TMEM140: variants seen among roughly 807,000 people sequenced by gnomAD.
TMEM140 encodes transmembrane protein 140.
For synonymous variants in TMEM140, 107 were observed against 106.8 expected (o/e 1.00, Z -0.01); for missense variants, 236 against 228.5 (o/e 1.03, Z -0.21).
chr7:135,158,467 T>C (rs1366231761), intron 1 of TMEM140, among the ~76,000 whole-genome samples: 2 of 152,046 alleles, frequency 1.3e-5, no homozygotes, highest in African/African-American at 4.8e-5. Flanking sequence ...CAACAAGCTG[T>C]GGAACACACA....
In TMEM140 at chr7:135,165,116, A is replaced by C; in HGVS notation, c.*117A>C. 1 of 1,327,042 alleles carries C rather than the reference A, an allele frequency of 7.5e-7. No individual in the cohort carries two copies. The highest frequency in any genetic ancestry group is 1.6e-5 in the South Asian group (1 of 63,640). 82.2% of individuals were successfully genotyped at this position (1,327,042 alleles called of 1,614,324 possible). ...CAGCTCCAGCGATGGAACCCACTAC[A>C]GAGGAGGTGGGGCCCCTGTGTCAAA... On this transcript the variant is annotated 3_prime_UTR_variant, in exon 2 of 2. Coordinates refer to ENST00000275767, the MANE Select transcript of TMEM140 (RefSeq NM_018295.5).
chr7:135,158,536 A>G (rs1284483480), intron 1 of TMEM140, among the ~76,000 whole-genome samples: 2 of 152,158 alleles, frequency 1.3e-5, no homozygotes, highest in African/African-American at 2.4e-5. Context: ...CTTGTCCTAG[A>G]TATGTGTAGG....
chr7:135,162,798 C>T (rs1021780498), intron 1 of TMEM140, among the ~76,000 whole-genome samples: 4 of 152,208 alleles, frequency 2.6e-5, no homozygotes, highest in Non-Finnish European at 5.9e-5. Flanking sequence ...CTGGAAAATA[C>T]ACATATGTAA....
intron 1 of TMEM140, among the ~76,000 whole-genome samples, chr7:135,164,128 G>A (rs1332602550): frequency 1.3e-5 from 2 of 152,266 alleles, no homozygotes; most frequent in Non-Finnish European, 2.9e-5. Context: ...TTGGACTGGA[G>A]CAAAGCCTTT....
chr7:135,153,414 A>G lies in TMEM140; in HGVS notation c.-25+5144A>G, dbSNP rs1050569943. On this transcript the variant is annotated intron_variant, in intron 1 of 1. Coordinates refer to ENST00000275767, the MANE Select transcript of TMEM140 (RefSeq NM_018295.5). Reference sequence around the variant, plus strand: ...GGTTGCAGTGAGCTGAGATCATGCCACTGCACTCCAGCCTGGGCAACACAG... The same window carrying G: ...GGTTGCAGTGAGCTGAGATCATGCCGCTGCACTCCAGCCTGGGCAACACAG... 2.1e-5 allele frequency among the ~76,000 whole-genome samples: 3 copies of G among 141,298 alleles called. No individual in the cohort carries two copies. In the Admixed American group the frequency reaches 2.4e-4, roughly 11 times the overall value. The allele number at this position is 141,298 out of a possible 152,430, so 92.7% of individuals were successfully genotyped here.
At position 135,149,578 on chromosome 7, in the gene TMEM140, G is replaced by A. The variant is rs150918629; in HGVS notation, c.-25+1308G>A. ...GCCAAAGAGATATGACTATTTTTAG[G>A]GTTTTTAATGTTTATTGCCAATCTG... On this transcript the variant is annotated intron_variant, in intron 1 of 1. Transcript: ENST00000275767. Among the ~76,000 whole-genome samples, 4 of 152,114 alleles carry A rather than the reference G, an allele frequency of 2.6e-5. No individual in the cohort carries two copies. In the East Asian group the frequency reaches 5.8e-4, roughly 22 times the overall value.
At chr7:135,163,423 T>C (rs1209913479) in intron 1 of TMEM140, among the ~76,000 whole-genome samples, 1 of 151,810 alleles carries the variant, frequency 6.6e-6, no homozygotes, top group Non-Finnish European at 1.5e-5. Flanking sequence ...GGGTGGATCA[T>C]TTGAGGTCAG....
rs749445182 is a variant in TMEM140, at chr7:135,161,740, C to T, written c.-24-2678C>T. ...AGAATCTCTCAACTACATTCAAACCCGAGTCTTCAGACCCTTGGCCCTCTG... is the reference window on the plus strand; with the variant it reads ...AGAATCTCTCAACTACATTCAAACCTGAGTCTTCAGACCCTTGGCCCTCTG... On this transcript the variant is annotated intron_variant, in intron 1 of 1. Coordinates refer to ENST00000275767, the MANE Select transcript of TMEM140 (RefSeq NM_018295.5). The surrounding 1 kb of genome is among the most constrained non-coding windows in gnomAD (Gnocchi z 4.1). Among the ~76,000 whole-genome samples, 4 of 152,192 alleles carry T rather than the reference C, an allele frequency of 2.6e-5. No homozygotes were observed. The highest frequency in any genetic ancestry group is 9.6e-5 in the African/African-American group (4 of 41,462).
rs1042963771 is a variant in TMEM140 at position 135,148,187 on chromosome 7, C to T, written c.-108C>T. The T allele has an allele frequency of 1.6e-5, 7 of 431,738 alleles. No individual in the cohort carries two copies. Among genetic ancestry groups the T allele is most frequent in the Admixed American group, 9.0e-5 (3 of 33,422 alleles). 26.7% of individuals were successfully genotyped at this position (431,738 alleles called of 1,614,324 possible). A position where few individuals can be genotyped will look rare whatever the true frequency, so the allele number is the denominator to read the frequency against. ...CTGGAGTCTGACATTAGAAAGCCAG[C>T]GAGAAGGAAGATTCAAACAACCAAC... is the stretch of plus-strand genomic sequence containing the variant. On this transcript the variant is annotated 5_prime_UTR_variant, in exon 1 of 2. Transcript: ENST00000275767.
Position 135,164,741 on chromosome 7 carries a change from TCTC to T in TMEM140, c.306_308del (p.Leu103del). 1 of 1,614,170 alleles carries T rather than the reference TCTC, an allele frequency of 6.2e-7. No individual in the cohort carries two copies. The highest frequency in any genetic ancestry group is 1.1e-5 in the South Asian group (1 of 91,090). ...TCCTCACCCTCTTTGCCCCCCAGCC[TCTC>T]CTCCTAGCCCAGTGCAACAGTGATG... On this transcript the variant is annotated inframe_deletion, in exon 2 of 2. Transcript: ENST00000275767.
Position 135,165,101 on chromosome 7 carries a change from G to C in TMEM140, c.*102G>C. On this transcript the variant is annotated 3_prime_UTR_variant, in exon 2 of 2. Coordinates refer to ENST00000275767, the MANE Select transcript of TMEM140 (RefSeq NM_018295.5). ...GCTAACGCTGATCTCCAGCTCCAGC[G>C]ATGGAACCCACTACAGAGGAGGTGG... 1 of 1,399,308 alleles carries C rather than the reference G, an allele frequency of 7.1e-7. No homozygotes were observed. The highest frequency in any genetic ancestry group is 1.5e-5 in the South Asian group (1 of 68,168). 86.7% of individuals were successfully genotyped at this position (1,399,308 alleles called of 1,614,324 possible).
chr7:135,162,618 G>A (rs760613608), intron 1 of TMEM140, among the ~76,000 whole-genome samples: 11 of 152,102 alleles, frequency 7.2e-5, no homozygotes, highest in Non-Finnish European at 1.0e-4. Flanking sequence ...AAAACCATCA[G>A]ATATCATGAG....
At chr7:135,159,780 G>A (rs1031019062) in intron 1 of TMEM140, among the ~76,000 whole-genome samples, 7 of 152,162 alleles carry the variant, frequency 4.6e-5, no homozygotes, top group African/African-American at 1.7e-4. Context: ...AAGAAATACA[G>A]ATGGTCAACA....
chr7:135,158,005 C>T (rs1022485914), intron 1 of TMEM140, among the ~76,000 whole-genome samples: 1 of 151,796 alleles, frequency 6.6e-6, no homozygotes, highest in African/African-American at 2.4e-5. Context: ...CACAGCAACC[C>T]GTAGCAGGCA....
chr7:135,148,833 C>G (rs78948930), intron 1 of TMEM140, among the ~76,000 whole-genome samples: 149 of 152,276 alleles, frequency 9.8e-4, no homozygotes, highest in Non-Finnish European at 1.4e-3. Flanking sequence ...GCTCCTCATG[C>G]CCCAGTGGAA....
chr7:135,162,420 G>T (rs1364635136), intron 1 of TMEM140, among the ~76,000 whole-genome samples: 1 of 152,194 alleles, frequency 6.6e-6, no homozygotes, highest in Non-Finnish European at 1.5e-5. Flanking sequence ...GAATGCTGTT[G>T]TATTAGTCCA....
In TMEM140 at chr7:135,151,411, A is replaced by G. The variant is rs777129857; in HGVS notation, c.-25+3141A>G. Among the ~76,000 whole-genome samples, 1 of 152,206 alleles carries G rather than the reference A, an allele frequency of 6.6e-6. No individual in the cohort carries two copies. Among genetic ancestry groups the G allele is most frequent in the African/African-American group, 2.4e-5 (1 of 41,446 alleles). ...AGCACACTGATCTTCAATGTGTTCC[A>G]CCAGAAATATTTTAGCCAGGACTGG... On this transcript the variant is annotated intron_variant, in intron 1 of 1. Transcript: ENST00000275767. This position sits in a 1 kb window ranked among gnomAD's most constrained non-coding sequence, Gnocchi z 4.3.
rs767980880 is a variant in TMEM140 at position 135,164,959 on chromosome 7, T to TGAGGGCTGA, written c.531_539dup (p.Arg177_Glu179dup). 5 of 1,608,594 alleles carry TGAGGGCTGA rather than the reference T, an allele frequency of 3.1e-6. No individual in the cohort carries two copies. The highest frequency in any genetic ancestry group is 1.7e-5 in the Admixed American group (1 of 59,664). On this transcript the variant is annotated inframe_insertion, in exon 2 of 2. Transcript: ENST00000275767. ...CTTATAGCCATGGCTGTGTTCCCTCTGAGGGCTGAGAGGGCTGAGAGCAAG... is the reference window on the plus strand; with the variant it reads ...CTTATAGCCATGGCTGTGTTCCCTCTGAGGGCTGAGAGGGCTGAGAGGGCTGAGAGCAAG...
chr7:135,156,935 G>A (rs993047660), intron 1 of TMEM140, among the ~76,000 whole-genome samples: 1 of 152,190 alleles, frequency 6.6e-6, no homozygotes. Context: ...GAACCGATGG[G>A]TTCATCAGGG....
Sources: gnomAD v4.1 joint callset for allele counts (sites outside exome capture counted in the v4.1 genomes callset) on GRCh38, gnomAD v4.1.1 for gene constraint, Gnocchi (gnomAD v3.1) non-coding constraint, MANE v1.5 for transcripts, NCBI Gene and HGNC (gene_info 2026-07-23, HGNC 2026-07-21) for gene names.